The following OR9G4 variants were observed in gnomAD, a reference collection of about 807,000 sequenced individuals.
OR9G4 encodes the protein olfactory receptor family 9 subfamily G member 4.
OR9G4 carries 19 observed loss-of-function variants against 16.7 expected under a neutral mutation model. The ratio of observed to expected loss-of-function variants is 1.14; its 90% CI spans 0.79 to 1.67. The LOEUF (loss-of-function observed/expected upper bound fraction) is 1.67. Among genes scored for constraint, OR9G4 ranks in the 40% most tolerant of loss-of-function variants. The probability of loss-of-function intolerance (pLI) is 0.00; values close to 1 mark genes in which losing one functional copy is unlikely to be tolerated. For synonymous variants in OR9G4, 182 were observed against 146.2 expected (o/e 1.24, Z -1.76); for missense variants, 428 against 370.4 (o/e 1.16, Z -1.28).
Position 56,743,478 on chromosome 11 carries a change from AT to A in OR9G4, c.288del (p.Cys97ValfsTer11), listed in dbSNP as rs752275246. ...CAGGAAAAAAACAGCTGAGCCCCAC[AT>A]CCAGCCAAGGAAATGCGCTTATCTT... Reference protein sequence around the residue: ...VSEDKRISLAGCGAQLFFSCV... With the variant: ...VSEDKRISLAXCGAQLFFSCV... On this transcript the variant is annotated frameshift_variant, in exon 2 of 2. Coordinates refer to ENST00000641668, the MANE Select transcript of OR9G4 (RefSeq NM_001005284.2). LOFTEE classifies it high-confidence loss of function. The A allele has an allele frequency of 6.8e-6, 11 of 1,614,062 alleles. No individual in the cohort carries two copies. In the African/African-American group the frequency reaches 1.5e-4, roughly 22 times the overall value.
chr11:56,744,234 A>G (rs1158037203), intron 1 of OR9G4, among the ~76,000 whole-genome samples: 2 of 151,960 alleles, frequency 1.3e-5, no homozygotes, highest in Non-Finnish European at 2.9e-5. Flanking sequence ...CACCAACTCT[A>G]CTAAAAATGG....
rs1858305269 is a variant in OR9G4, at chr11:56,741,820, T to C, written c.*1008A>G. On this transcript the variant is annotated 3_prime_UTR_variant, in exon 2 of 2. Coordinates refer to ENST00000641668, the MANE Select transcript of OR9G4 (RefSeq NM_001005284.2). ...CCTTAACTTGCCATCTTCTAAAGGC[T>C]ACTAAATGAAATATCAACCCAACCT... The C allele has an allele frequency of 2.0e-5, 3 of 152,248 alleles. No individual in the cohort carries two copies. 9.4% of individuals were successfully genotyped at this position (152,248 alleles called of 1,614,324 possible).
Position 56,743,085 on chromosome 11 carries a change from T to A in OR9G4, c.682A>T (p.Ile228Phe). The A allele has an allele frequency of 6.2e-7, 1 of 1,614,140 alleles. No individual in the cohort carries two copies. Among genetic ancestry groups the A allele is most frequent in the Non-Finnish European group, 8.5e-7 (1 of 1,180,026 alleles). ...YVNILLAILR[I>F]HSASGRHKAF... ...TTGTGTCTTCCTGAAGCTGAGTGGA[T>A]TCTCAGGATAGCCAGGAGGATGTTG... Residue 228 changes from isoleucine (I) to phenylalanine (F), a missense_variant, in exon 2 of 2, where the codon ATC becomes TTC. Physicochemically the swap from Ile to Phe is conservative, Grantham distance 21 (BLOSUM62 0). Coordinates refer to ENST00000641668, the MANE Select transcript of OR9G4 (RefSeq NM_001005284.2).
intron 1 of OR9G4, chr11:56,744,026 T>C (rs1858363276): frequency 4.3e-6 from 2 of 461,242 alleles, no homozygotes; most frequent in African/African-American, 2.0e-5. Flanking sequence ...CATATTCTCA[T>C]CAAACATGAA....
chr11:56,746,037 T>C (rs770932468), intron 1 of OR9G4, among the ~76,000 whole-genome samples: 7 of 152,022 alleles, frequency 4.6e-5, no homozygotes, highest in Admixed American at 6.6e-5. Flanking sequence ...CTCACGCCTG[T>C]AATCCCAGCA....
rs1209505543 is a variant in OR9G4 at position 56,741,266 on chromosome 11, CTATAA to C, written c.*1557_*1561del. On this transcript the variant is annotated 3_prime_UTR_variant, in exon 2 of 2. Coordinates refer to ENST00000641668, the MANE Select transcript of OR9G4 (RefSeq NM_001005284.2). ...TGTTTGTTATGATTTTGAGATCAGA[CTATAA>C]TATATACTACAGTATTGTAGATTCA... 2 of 342,648 alleles carry C rather than the reference CTATAA, an allele frequency of 5.8e-6. No homozygotes were observed. The highest frequency in any genetic ancestry group is 2.2e-5 in the African/African-American group (1 of 46,040). The allele number at this position is 342,648 out of a possible 1,614,324, so 21.2% of individuals were successfully genotyped here.
chr11:56,746,957 A>G (rs1269738354), intron 1 of OR9G4, among the ~76,000 whole-genome samples: 1 of 152,172 alleles, frequency 6.6e-6, no homozygotes, highest in African/African-American at 2.4e-5. Flanking sequence ...TTTCAATACA[A>G]CAGCCAGTGT....
intron 1 of OR9G4, among the ~76,000 whole-genome samples, chr11:56,747,942 G>A (rs1858446725): frequency 6.6e-6 from 1 of 152,190 alleles, no homozygotes; most frequent in Non-Finnish European, 1.5e-5. Context: ...CCAAAGTGCT[G>A]GGATTACAGG....
chr11:56,743,572 A>T lies in OR9G4; in HGVS notation c.195T>A (p.Asn65Lys). Reference protein sequence around the residue: ...LHTPMYFFIGNLSFLDFWYTS... With the variant: ...LHTPMYFFIGKLSFLDFWYTS... ...TATACCAGAAATCCAAAAAAGACAG[A>T]TTGCCAATGAAAAAGTACATAGGTG... is the stretch of plus-strand genomic sequence containing the variant. Residue 65 changes from asparagine to lysine, a missense_variant, in exon 2 of 2, where the codon AAT becomes AAA. Coordinates refer to ENST00000641668, the MANE Select transcript of OR9G4 (RefSeq NM_001005284.2). The T allele has an allele frequency of 6.2e-7, 1 of 1,614,206 alleles. No individual in the cohort carries two copies. The highest frequency in any genetic ancestry group is 8.5e-7 in the Non-Finnish European group (1 of 1,180,036).
At chr11:56,745,246 C>T (rs7115637) in intron 1 of OR9G4, among the ~76,000 whole-genome samples, 24 of 152,256 alleles carry the variant, frequency 1.6e-4, no homozygotes, top group Admixed American at 1.1e-3. Context: ...CGTCCAGTAT[C>T]TTGCTAAAAT....
Position 56,743,339 on chromosome 11 carries a change from C to T in OR9G4, c.428G>A (p.Gly143Glu), listed in dbSNP as rs1359241490. 1 of 1,613,946 alleles carries T rather than the reference C, an allele frequency of 6.2e-7. No individual in the cohort carries two copies. Among genetic ancestry groups the T allele is most frequent in the African/African-American group, 1.3e-5 (1 of 74,860 alleles). Residue 143 changes from glycine to glutamate, a missense_variant, in exon 2 of 2, where the codon GGG becomes GAG. Gly to Glu is a moderately conservative substitution (Grantham distance 98). Coordinates refer to ENST00000641668, the MANE Select transcript of OR9G4 (RefSeq NM_001005284.2). ...TCCTATGTAGGAGCCAGCAACAAGC[C>T]CAGTACAGAGGGCGGTGGACATGGT... ...SGTMSTALCT[G>E]LVAGSYIGGF...
At chr11:56,748,290 T>C (rs958835419) in intron 1 of OR9G4, among the ~76,000 whole-genome samples, 4 of 152,202 alleles carry the variant, frequency 2.6e-5, no homozygotes, top group Admixed American at 2.0e-4. Context: ...GAATGTGCCT[T>C]CCTGGCATCT....
chr11:56,743,875 G>A, intron 1 of OR9G4, 87 bp from the exon 2 acceptor site: 1 of 1,437,376 alleles, frequency 7.0e-7, no homozygotes, highest in Non-Finnish European at 9.4e-7. Context: ...CAATTACTAA[G>A]AAGCTTGTAG....
In OR9G4 at chr11:56,743,796, G is replaced by A. The variant is rs939291950; in HGVS notation, c.-22-8C>T. 4 of 1,610,488 alleles carry A rather than the reference G, an allele frequency of 2.5e-6. No individual in the cohort carries two copies. The highest frequency in any genetic ancestry group is 3.4e-6 in the Non-Finnish European group (4 of 1,178,472). On this transcript the variant is annotated splice_region_variant and splice_polypyrimidine_tract_variant and intron_variant, in intron 1 of 1. Coordinates refer to ENST00000641668, the MANE Select transcript of OR9G4 (RefSeq NM_001005284.2). Reference sequence around the variant, plus strand: ...ACGGAGGTGAAAGCCTGACTATCATGAGAAGGGAAAATCATCACTTAGTGT... The same window carrying A: ...ACGGAGGTGAAAGCCTGACTATCATAAGAAGGGAAAATCATCACTTAGTGT...
rs1858357542 is a variant in OR9G4 at position 56,743,803 on chromosome 11, GA to G, written c.-22-16del. 2 of 1,608,200 alleles carry G rather than the reference GA, an allele frequency of 1.2e-6. No homozygotes were observed. Among genetic ancestry groups the G allele is most frequent in the African/African-American group, 2.7e-5 (2 of 74,758 alleles). ...TGAAAGCCTGACTATCATGAGAAGGGAAAATCATCACTTAGTGTTTTTTCTA... is the reference window on the plus strand; with the variant it reads ...TGAAAGCCTGACTATCATGAGAAGGGAAATCATCACTTAGTGTTTTTTCTA... On this transcript the variant is annotated splice_polypyrimidine_tract_variant and intron_variant, in intron 1 of 1. Coordinates refer to ENST00000641668, the MANE Select transcript of OR9G4 (RefSeq NM_001005284.2).
intron 1 of OR9G4, among the ~76,000 whole-genome samples, chr11:56,745,442 C>T (rs1385135477): frequency 6.6e-6 from 1 of 152,134 alleles, no homozygotes; most frequent in Non-Finnish European, 1.5e-5. Flanking sequence ...ATCCTATTCT[C>T]AGCACCAAAC....
chr11:56,744,318 T>G (rs2135060000), intron 1 of OR9G4, among the ~76,000 whole-genome samples: 1 of 152,282 alleles, frequency 6.6e-6, no homozygotes, highest in Non-Finnish European at 1.5e-5. Flanking sequence ...CCTCCCAAAG[T>G]GCTGGGATTA....
At chr11:56,744,827 A>T (rs1468856323) in intron 1 of OR9G4, among the ~76,000 whole-genome samples, 2 of 152,200 alleles carry the variant, frequency 1.3e-5, no homozygotes, top group Admixed American at 1.3e-4. Flanking sequence ...TCCCCCAAAC[A>T]TGCAGGTGGG....
chr11:56,743,890 T>G (rs750022216), intron 1 of OR9G4, 102 bp from the exon 2 acceptor site: 2 of 1,335,670 alleles, frequency 1.5e-6, no homozygotes, highest in African/African-American at 2.9e-5. Flanking sequence ...TTGTAGATTT[T>G]TCTCCCTTAC....
Sources: allele counts gnomAD v4.1 joint callset (sites outside exome capture counted in the v4.1 genomes callset), GRCh38; gene constraint gnomAD v4.1.1; transcripts MANE v1.5; gene names NCBI Gene and HGNC (gene_info 2026-07-23, HGNC 2026-07-21).